The following KIF15 variants were observed in gnomAD, a reference collection of about 807,000 sequenced individuals.
KIF15 encodes kinesin family member 15.
KIF15 carries 140 observed loss-of-function variants against 190.6 expected under a neutral mutation model. The observed-to-expected ratio is 0.73, with a 90% CI of 0.64 to 0.84. The LOEUF (loss-of-function observed/expected upper bound fraction) is 0.84. Among genes scored for constraint, KIF15 ranks in the 40% least tolerant of loss-of-function variants. The probability of loss-of-function intolerance (pLI) is 0.00; values close to 1 mark genes in which losing one functional copy is unlikely to be tolerated. For synonymous variants in KIF15, 528 were observed against 551.3 expected (o/e 0.96, Z 0.59); for missense variants, 1,372 against 1,584.4 (o/e 0.87, Z 2.28).
intron 6 of KIF15, among the ~76,000 whole-genome samples, chr3:44,868,289 TATTC>T (rs1699341489): frequency 6.6e-6 from 1 of 152,224 alleles, no homozygotes; most frequent in African/African-American, 2.4e-5. Flanking sequence ...ATGAATCAGT[TATTC>T]ATTCCTTTTT....
chr3:44,817,254 A>C (rs1191068381), intron 20 of KIF15, among the ~76,000 whole-genome samples: 1 of 151,912 alleles, frequency 6.6e-6, no homozygotes, highest in African/African-American at 2.4e-5. Context: ...ATTAGATCCC[A>C]TTTGTCTATT....
rs1697648286 is a variant in KIF15 at position 44,826,365 on chromosome 3, T to A, written c.2701-10T>A. 1 of 1,608,654 alleles carries A rather than the reference T, an allele frequency of 6.2e-7. No homozygotes were observed. The highest frequency in any genetic ancestry group is 1.3e-5 in the African/African-American group (1 of 74,734). ...GTAACAGTTACTTAAAATCTAATGTTGTCTTTTAGAATTTGATGGAGCTTC... is the reference window on the plus strand; with the variant it reads ...GTAACAGTTACTTAAAATCTAATGTAGTCTTTTAGAATTTGATGGAGCTTC... On this transcript the variant is annotated splice_polypyrimidine_tract_variant and intron_variant, in intron 21 of 34. Transcript: ENST00000326047.
intron 7 of KIF15, among the ~76,000 whole-genome samples, chr3:44,791,085 T>G (rs924551472): frequency 6.6e-6 from 1 of 152,214 alleles, no homozygotes; most frequent in African/African-American, 2.4e-5. Flanking sequence ...TTATTTACAT[T>G]ACTATATGAT....
intron 6 of KIF15, chr3:44,861,783 C>G: frequency 1.0e-6 from 1 of 972,766 alleles, no homozygotes; most frequent in Non-Finnish European, 1.5e-6. Context: ...CCGCCCCCTC[C>G]GAGGCGCCGG....
At position 44,840,344 on chromosome 3, in the gene KIF15, A is replaced by G; in HGVS notation, c.3319-11A>G. Reference sequence around the variant, plus strand: ...CTAAGTTGTAACCTTGTATCTGTTCAATTTTCCCAGCTAAACCAAAAGAAA... The same window carrying G: ...CTAAGTTGTAACCTTGTATCTGTTCGATTTTCCCAGCTAAACCAAAAGAAA... On this transcript the variant is annotated splice_polypyrimidine_tract_variant and intron_variant, in intron 27 of 34. Coordinates refer to ENST00000326047, the MANE Select transcript of KIF15 (RefSeq NM_020242.3). The G allele has an allele frequency of 6.4e-7, 1 of 1,552,036 alleles. No individual in the cohort carries two copies. The highest frequency in any genetic ancestry group is 8.8e-7 in the Non-Finnish European group (1 of 1,132,402).
At chr3:44,762,244 C>T (rs1705183616) in intron 1 of KIF15, among the ~76,000 whole-genome samples, 2 of 152,218 alleles carry the variant, frequency 1.3e-5, no homozygotes, top group Non-Finnish European at 1.5e-5. Context: ...GTCTCAGGAT[C>T]GGCTTTTGCT....
intron 16 of KIF15, among the ~76,000 whole-genome samples, chr3:44,806,629 T>G (rs905171303): frequency 1.3e-5 from 2 of 152,140 alleles, no homozygotes; most frequent in Admixed American, 6.5e-5. Flanking sequence ...GTTAAAAAAT[T>G]TTTTCCTTAG....
chr3:44,827,484 G>A lies in KIF15; in HGVS notation c.2812G>A (p.Val938Ile), dbSNP rs112882527. 1.1e-3 allele frequency: 1,702 copies of A among 1,612,164 alleles called. No individual in the cohort carries two copies. The highest frequency in any genetic ancestry group is 1.4e-3 in the Non-Finnish European group (1,616 of 1,178,420). The part of the protein sequence containing the change: ...SKEILKVLEA[V>I]RQEKQKETAK... ...AGAAATCTTAAAAGTTCTTGAGGCT[G>A]TACGTCAGGAGAAACAGAAAGAGAC... Residue 938 changes from valine (V) to isoleucine (I), a missense_variant, in exon 23 of 35, where the codon GTA (valine) becomes ATA (isoleucine). Val to Ile is a conservative substitution (Grantham distance 29). Coordinates refer to ENST00000326047, the MANE Select transcript of KIF15 (RefSeq NM_020242.3).
At chr3:44,828,102 C>A in intron 23 of KIF15, 112 bp from the exon 24 acceptor site, 1 of 694,096 alleles carries the variant, frequency 1.4e-6, no homozygotes. Flanking sequence ...TCAAGTATTA[C>A]TCCTAGCATA....
intron 20 of KIF15, among the ~76,000 whole-genome samples, chr3:44,817,957 C>A (rs1332771418): frequency 6.6e-6 from 1 of 152,198 alleles, no homozygotes; most frequent in Non-Finnish European, 1.5e-5. Flanking sequence ...AGGTCCTTCA[C>A]ATCCCTTGTA....
chr3:44,831,575 C>T lies in KIF15; in HGVS notation c.3171+557C>T, dbSNP rs1698073856. On this transcript the variant is annotated intron_variant, in intron 26 of 34. Coordinates refer to ENST00000326047, the MANE Select transcript of KIF15 (RefSeq NM_020242.3). The stretch of plus-strand genomic sequence containing the variant: ...TTCAGGGTTGTCTTTTGCATTTTAG[C>T]GAAGATAAGTTTTATTTTTGTTTTT... Among the ~76,000 whole-genome samples, 6 of 152,060 alleles carry T rather than the reference C, an allele frequency of 3.9e-5. No individual in the cohort carries two copies. The South Asian group carries it at 6.2e-4, about 16-fold the overall frequency.
intron 21 of KIF15, 82 bp from the exon 22 acceptor site, chr3:44,826,293 C>G (rs1369863518): frequency 6.4e-7 from 1 of 1,552,344 alleles, no homozygotes; most frequent in African/African-American, 1.4e-5. Context: ...CCCACAGTGC[C>G]TGCCACATAG....
At chr3:44,858,414 A>T (rs1289165580) in intron 6 of KIF15, among the ~76,000 whole-genome samples, 1 of 152,084 alleles carries the variant, frequency 6.6e-6, no homozygotes, top group Non-Finnish European at 1.5e-5. Flanking sequence ...CTGTTGTGGG[A>T]TGGGATACTG....
In KIF15 at chr3:44,826,101, A is replaced by C. The variant is rs1249097664; in HGVS notation, c.2612A>C (p.Gln871Pro). The change falls in exon 21 of 35, where the codon CAA becomes CCA. Residue 871 changes from glutamine (Q) to proline (P), a missense_variant. Transcript: ENST00000326047. The part of the protein sequence containing the change: ...ACLQDSYDNL[Q>P]EIMKFEIDQL... The stretch of plus-strand genomic sequence containing the variant: ...CTACAGGATTCCTATGACAACTTAC[A>C]AGAAATAATGAAATTTGAGATTGAC... The C allele has an allele frequency of 6.3e-7, 1 of 1,590,090 alleles. No homozygotes were observed. Among genetic ancestry groups the C allele is most frequent in the Non-Finnish European group, 8.5e-7 (1 of 1,174,580 alleles).
Position 44,805,900 on chromosome 3 carries a change from A to T in KIF15, c.1885A>T (p.Asn629Tyr). Residue 629 changes from asparagine to tyrosine, a missense_variant, in exon 16 of 35, where the codon AAT becomes TAT. Transcript: ENST00000326047. ...ELQSLQKANL[N>Y]LENLLEATKA... ...TCAGTCTTTGCAAAAAGCGAACCTT[A>T]ATCTTGAAAACCTTTTGGAAGCAAC... The T allele has an allele frequency of 1.2e-6, 2 of 1,614,168 alleles. No individual in the cohort carries two copies. The highest frequency in any genetic ancestry group is 1.1e-5 in the South Asian group (1 of 91,068).
chr3:44,843,853 A>G (rs1461535393), intron 30 of KIF15, among the ~76,000 whole-genome samples: 2 of 152,212 alleles, frequency 1.3e-5, no homozygotes, highest in African/African-American at 4.8e-5. Context: ...TTTCCTTAAC[A>G]ATAAAATGAA....
chr3:44,804,558 ATTGT>A (rs1252488202), intron 14 of KIF15, among the ~76,000 whole-genome samples: 2 of 152,064 alleles, frequency 1.3e-5, no homozygotes, highest in African/African-American at 4.8e-5. Flanking sequence ...CACTTTCGTC[ATTGT>A]TTGTTCTTTC....
At chr3:44,831,051 G>C in intron 26 of KIF15, 33 bp downstream of exon 26, 1 of 1,599,904 alleles carries the variant, frequency 6.3e-7, no homozygotes, top group East Asian at 2.2e-5. Context: ...TTCTTTGTTT[G>C]CCTTATTACT....
intron 3 of KIF15, among the ~76,000 whole-genome samples, chr3:44,776,990 A>ATTTT (rs371067828): frequency 3.5e-4 from 41 of 116,816 alleles, no homozygotes; most frequent in East Asian, 7.4e-4. Context: ...AACATCACAG[A>ATTTT]TTTTTTTTTT....
Sources: allele counts gnomAD v4.1 joint callset (sites outside exome capture counted in the v4.1 genomes callset), GRCh38; gene constraint gnomAD v4.1.1; transcripts MANE v1.5; gene names NCBI Gene and HGNC (gene_info 2026-07-23, HGNC 2026-07-21).